The following TRIM69 variants were observed in gnomAD, a reference collection of about 807,000 sequenced individuals.
TRIM69 encodes the protein E3 ubiquitin-protein ligase TRIM69.
A neutral mutation model predicts 37.7 loss-of-function variants in TRIM69; 29 were observed. That is an observed-to-expected ratio of 0.77 (90% CI 0.57 to 1.05). TRIM69 has a LOEUF of 1.05. TRIM69 is among the 50% of genes least tolerant of loss of function. TRIM69 has a pLI of 0.00. For missense variants in TRIM69, 596 were observed against 579.9 expected, an observed-to-expected ratio of 1.03 and a Z score of -0.28; for synonymous variants, 209 against 212.4, an observed-to-expected ratio of 0.98 and a Z score of 0.14.
In TRIM69 at chr15:44,767,242, C is replaced by T. The variant is rs112367336; in HGVS notation, c.973C>T (p.Leu325=). ...TATTTTCTTACTAGGCCTGTCTCCACTAACTCTGGACCCTAAAACAGCTCA... is the reference window on the plus strand; with the variant it reads ...TATTTTCTTACTAGGCCTGTCTCCATTAACTCTGGACCCTAAAACAGCTCA... ...QDTLCPGLSP[L]TLDPKTAHPN... Residue 325 remains leucine, a synonymous_variant, in exon 7 of 7, where the codon CTA becomes TTA. Coordinates refer to ENST00000329464, the MANE Select transcript of TRIM69 (RefSeq NM_182985.5). The T allele has an allele frequency of 2.6e-4, 416 of 1,613,092 alleles. 1 individual carries two copies. The Middle Eastern group carries it at 4.1e-3, about 16-fold the overall frequency.
intron 1 of TRIM69, among the ~76,000 whole-genome samples, chr15:44,748,790 C>A (rs2087459867): frequency 7.2e-6 from 1 of 139,468 alleles, no homozygotes; most frequent in Non-Finnish European, 1.5e-5. Context: ...CATGCCATTA[C>A]ACTCCAGCCT....
chr15:44,756,566 T>A, intron 3 of TRIM69, 103 bp downstream of exon 3: 1 of 711,886 alleles, frequency 1.4e-6, no homozygotes, highest in Non-Finnish European at 2.4e-6. Flanking sequence ...ATCTACACAC[T>A]AAATGGTACC....
chr15:44,767,766 A>G lies in TRIM69; in HGVS notation c.1497A>G (p.Pro499=). ...ENKEPLHILH[P]Q The stretch of plus-strand genomic sequence containing the variant: ...AAGAACCATTGCACATCTTACATCC[A>G]CAGTAATGAGTCATAATATTATACA... Residue 499 remains proline, a synonymous_variant, in exon 7 of 7, where the codon CCA becomes CCG. Transcript: ENST00000329464. The G allele has an allele frequency of 2.5e-6, 4 of 1,610,004 alleles. No individual in the cohort carries two copies. The highest frequency in any genetic ancestry group is 2.5e-6 in the Non-Finnish European group (3 of 1,179,058).
Position 44,759,681 on chromosome 15 carries a change from T to C in TRIM69, c.836+19T>C. On this transcript the variant is annotated intron_variant, in intron 5 of 6. Coordinates refer to ENST00000329464, the MANE Select transcript of TRIM69 (RefSeq NM_182985.5). ...TACATAGGTAAGTGTTTCCCTATGG[T>C]ACTATTAATATCATTCCTTGAGTCT... The C allele has an allele frequency of 6.2e-7, 1 of 1,614,066 alleles. No individual in the cohort carries two copies. Among genetic ancestry groups the C allele is most frequent in the South Asian group, 1.1e-5 (1 of 91,084 alleles).
At position 44,759,973 on chromosome 15, in the gene TRIM69, A is replaced by G. The variant is rs1181614168; in HGVS notation, c.961+101A>G. ...TAATTAAGTTTTTACAGTCTGGGATAGGGAAGGGGTACAGTTTGGCCAAAA... is the reference window on the plus strand; with the variant it reads ...TAATTAAGTTTTTACAGTCTGGGATGGGGAAGGGGTACAGTTTGGCCAAAA... On this transcript the variant is annotated intron_variant, in intron 6 of 6. Transcript: ENST00000329464. 7.9e-6 allele frequency: 11 copies of G among 1,399,110 alleles called. No homozygotes were observed. The East Asian group carries it at 2.5e-4, about 32-fold the overall frequency. 86.7% of individuals were successfully genotyped at this position (1,399,110 alleles called of 1,614,324 possible). A position where few individuals can be genotyped will look rare whatever the true frequency, so the allele number is the denominator to read the frequency against.
chr15:44,749,462 G>A (rs895155115), intron 1 of TRIM69, among the ~76,000 whole-genome samples: 2 of 152,100 alleles, frequency 1.3e-5, no homozygotes, highest in Non-Finnish European at 2.9e-5. Context: ...CTGTATATTT[G>A]ATATAAATGG....
In TRIM69 at chr15:44,767,527, A is replaced by T; in HGVS notation, c.1258A>T (p.Asn420Tyr). Residue 420 changes from asparagine (N) to tyrosine (Y), a missense_variant, in exon 7 of 7, where the codon AAC (asparagine) becomes TAC (tyrosine). By Grantham distance (143) the Asn-to-Tyr change is moderately radical. Transcript: ENST00000329464. ...EQGFWLLRLR[N>Y]QTDLKALDLP... ...AGGATTCTGGCTTTTAAGACTAAGG[A>T]ACCAAACTGATCTAAAGGCTCTGGA... The T allele has an allele frequency of 6.2e-7, 1 of 1,614,218 alleles. No homozygotes were observed. The highest frequency in any genetic ancestry group is 8.5e-7 in the Non-Finnish European group (1 of 1,180,040).
chr15:44,753,193 G>C (rs890363484), intron 1 of TRIM69: 1 of 151,942 alleles, frequency 6.6e-6, no homozygotes, highest in Admixed American at 6.6e-5. Flanking sequence ...AGATCTACTA[G>C]CATTTTTTGT....
chr15:44,740,426 C>A (rs2087256638), intron 1 of TRIM69, among the ~76,000 whole-genome samples: 1 of 152,190 alleles, frequency 6.6e-6, no homozygotes, highest in Admixed American at 6.5e-5. Context: ...GATGATCCAA[C>A]TACTCCGAGC....
At chr15:44,753,453 C>T (rs766086887) in intron 1 of TRIM69, 5 of 151,978 alleles carry the variant, frequency 3.3e-5, no homozygotes, top group Non-Finnish European at 5.9e-5. Flanking sequence ...TTTTTTCTTT[C>T]GGCAGTTCAG....
At chr15:44,751,974 C>T (rs983422179) in intron 1 of TRIM69, among the ~76,000 whole-genome samples, 2 of 151,882 alleles carry the variant, frequency 1.3e-5, no homozygotes, top group East Asian at 1.9e-4. Flanking sequence ...AGGCTGGTCT[C>T]AAGCTCCTGA....
In TRIM69 at chr15:44,758,949, G is replaced by GAAAACAAAAC. The variant is rs58628327; in HGVS notation, c.813+111_813+120dup. ...GCGGAAGTGGCTTTTCACATCCAGG[G>GAAAACAAAAC]AAAACAAAACAAAACAAAACAAAAC... On this transcript the variant is annotated intron_variant, in intron 4 of 6. Coordinates refer to ENST00000329464, the MANE Select transcript of TRIM69 (RefSeq NM_182985.5). 45 of 1,435,710 alleles carry GAAAACAAAAC rather than the reference G, an allele frequency of 3.1e-5. No individual in the cohort carries two copies. The African/African-American group carries it at 5.7e-4, about 18-fold the overall frequency. 88.9% of individuals were successfully genotyped at this position (1,435,710 alleles called of 1,614,324 possible).
chr15:44,750,104 G>C (rs1248315565), intron 1 of TRIM69, among the ~76,000 whole-genome samples: 1 of 152,250 alleles, frequency 6.6e-6, no homozygotes, highest in Admixed American at 6.5e-5. Flanking sequence ...AGTTGTAAGA[G>C]TTCTTTATTC....
chr15:44,762,976 T>C (rs2087809852), intron 6 of TRIM69, among the ~76,000 whole-genome samples: 1 of 152,178 alleles, frequency 6.6e-6, no homozygotes, highest in Non-Finnish European at 1.5e-5. Context: ...GAAGATAGTA[T>C]AGAGTTTTTT....
intron 6 of TRIM69, 37 bp downstream of exon 6, chr15:44,759,909 C>G: frequency 1.3e-6 from 2 of 1,589,426 alleles, no homozygotes; most frequent in Non-Finnish European, 1.7e-6. Flanking sequence ...CTTGAGGCTC[C>G]TAATCTACGT....
chr15:44,748,549 G>T (rs2087453935), intron 1 of TRIM69, among the ~76,000 whole-genome samples: 1 of 151,982 alleles, frequency 6.6e-6, no homozygotes, highest in Non-Finnish European at 1.5e-5. Context: ...TCTGGGCTGG[G>T]CGTGGTGGCT....
chr15:44,758,872 T>C lies in TRIM69; in HGVS notation c.813+18T>C, dbSNP rs760421280. 3 of 1,602,212 alleles carry C rather than the reference T, an allele frequency of 1.9e-6. No individual in the cohort carries two copies. Among genetic ancestry groups the C allele is most frequent in the African/African-American group, 1.3e-5 (1 of 74,670 alleles). ...TTCTCAAAGTGAGAATCCACACCAA[T>C]ATGATTATGGGTACCTTCCTACCTA... is the stretch of plus-strand genomic sequence containing the variant. On this transcript the variant is annotated intron_variant, in intron 4 of 6. Coordinates refer to ENST00000329464, the MANE Select transcript of TRIM69 (RefSeq NM_182985.5).
At chr15:44,737,570 A>C (rs539356542) in intron 1 of TRIM69, among the ~76,000 whole-genome samples, 1 of 152,322 alleles carries the variant, frequency 6.6e-6, no homozygotes, top group Admixed American at 6.5e-5. Flanking sequence ...CCATTACTTC[A>C]GATGTTCAGG....
At chr15:44,739,505 A>G (rs2087234238) in intron 1 of TRIM69, among the ~76,000 whole-genome samples, 1 of 152,220 alleles carries the variant, frequency 6.6e-6, no homozygotes, top group African/African-American at 2.4e-5. Flanking sequence ...CGGCACCTGG[A>G]AAATTGGGTC....
Sources: allele counts gnomAD v4.1 joint callset (sites outside exome capture counted in the v4.1 genomes callset), GRCh38; gene constraint gnomAD v4.1.1; transcripts MANE v1.5; gene names NCBI Gene and HGNC (gene_info 2026-07-23, HGNC 2026-07-21).